TCF7L1: variants seen among roughly 807,000 people sequenced by gnomAD.
TCF7L1 encodes transcription factor 7-like 1.
TCF7L1 carries 18 observed loss-of-function variants against 63.7 expected under a neutral mutation model. The ratio of observed to expected loss-of-function variants is 0.28; its 90% CI spans 0.20 to 0.42. The LOEUF (loss-of-function observed/expected upper bound fraction) is 0.42. Among genes scored for constraint, TCF7L1 ranks in the 10% least tolerant of loss-of-function variants. The pLI, the probability that TCF7L1 is intolerant of heterozygous loss-of-function variation, is 1.00. For synonymous variants in TCF7L1, 355 were observed against 340.9 expected (o/e 1.04, Z -0.46); for missense variants, 654 against 779.3 (o/e 0.84, Z 1.91).
rs1308852758 is a variant in TCF7L1, at chr2:85,134,807, G to A, written c.441+357G>A. Reference sequence around the variant, plus strand: ...AAATCGGTCAGCTTTCTCTGGCAGTGGGGCAAGGGGCCTAGGGAGCTGGGT... The same window carrying A: ...AAATCGGTCAGCTTTCTCTGGCAGTAGGGCAAGGGGCCTAGGGAGCTGGGT... On this transcript the variant is annotated intron_variant, in intron 3 of 11. Coordinates refer to ENST00000282111, the MANE Select transcript of TCF7L1 (RefSeq NM_031283.3). The surrounding 1 kb of genome is among the most constrained non-coding windows in gnomAD (Gnocchi z 5.0). 2.6e-5 allele frequency among the ~76,000 whole-genome samples: 4 copies of A among 152,094 alleles called. No homozygotes were observed. Among genetic ancestry groups the A allele is most frequent in the African/African-American group, 9.7e-5 (4 of 41,412 alleles).
intron 3 of TCF7L1, among the ~76,000 whole-genome samples, chr2:85,214,017 T>A (rs1177215964): frequency 6.6e-6 from 1 of 152,150 alleles, no homozygotes; most frequent in Non-Finnish European, 1.5e-5. Context: ...GGAACGCCCC[T>A]GACTCAGCCA....
intron 3 of TCF7L1, among the ~76,000 whole-genome samples, chr2:85,200,159 A>G (rs2104276543): frequency 6.6e-6 from 1 of 152,232 alleles, no homozygotes; most frequent in African/African-American, 2.4e-5. Flanking sequence ...CCATTGGTGG[A>G]CGTTGGGGTT....
At chr2:85,235,656 G>T (rs1265803475) in intron 3 of TCF7L1, among the ~76,000 whole-genome samples, 1 of 152,068 alleles carries the variant, frequency 6.6e-6, no homozygotes, top group Admixed American at 6.5e-5. Flanking sequence ...ACTAGCCAAG[G>T]CATTAGGATC....
At position 85,305,364 on chromosome 2, in the gene TCF7L1, A is replaced by T; in HGVS notation, c.950A>T (p.Gln317Leu). ...GCCATCGTCTCCCCCATCGTCAAGCAGGAACCGGCACCCCCCAGCCTGAGC... is the reference window on the plus strand; with the variant it reads ...GCCATCGTCTCCCCCATCGTCAAGCTGGAACCGGCACCCCCCAGCCTGAGC... ...HPAIVSPIVK[Q>L]EPAPPSLSPA... Residue 317 changes from glutamine (Q) to leucine (L), a missense_variant, in exon 8 of 12, where the codon CAG becomes CTG. This residue lies in a region of TCF7L1 where 404 missense variants were observed against 454.8 expected (regional missense o/e 0.89). Coordinates refer to ENST00000282111, the MANE Select transcript of TCF7L1 (RefSeq NM_031283.3). 1.2e-6 allele frequency: 2 copies of T among 1,613,584 alleles called. No homozygotes were observed. Among genetic ancestry groups the T allele is most frequent in the Middle Eastern group, 1.7e-4 (1 of 6,058 alleles).
chr2:85,286,900 T>C (rs1227687480), intron 4 of TCF7L1, among the ~76,000 whole-genome samples: 3 of 152,182 alleles, frequency 2.0e-5, no homozygotes, highest in Admixed American at 6.5e-5. Flanking sequence ...ATTGTGCCAC[T>C]GCACTCTAGC....
intron 3 of TCF7L1, among the ~76,000 whole-genome samples, chr2:85,182,633 C>A (rs141106309): frequency 8.8e-4 from 134 of 152,328 alleles, no homozygotes; most frequent in African/African-American, 3.2e-3. Context: ...GTAGACTGGA[C>A]ATGAAGCTGG....
At chr2:85,167,351 T>G (rs565050384) in intron 3 of TCF7L1, 1 of 152,270 alleles carries the variant, frequency 6.6e-6, no homozygotes, top group East Asian at 1.9e-4. Context: ...AACAAAAAAT[T>G]AATTAAAAAT....
Position 85,147,781 on chromosome 2 carries a change from G to A in TCF7L1, c.441+13331G>A, listed in dbSNP as rs542680479. Among the ~76,000 whole-genome samples the A allele has an allele frequency of 3.3e-5, 5 of 152,178 alleles. No individual in the cohort carries two copies. The South Asian group carries it at 8.3e-4, about 25-fold the overall frequency. Reference sequence around the variant, plus strand: ...GTTTGGTGCCTTAGTTTGTTGCCTCGCTCATACTCCTGACCAGCCCCACAT... The same window carrying A: ...GTTTGGTGCCTTAGTTTGTTGCCTCACTCATACTCCTGACCAGCCCCACAT... On this transcript the variant is annotated intron_variant, in intron 3 of 11. Coordinates refer to ENST00000282111, the MANE Select transcript of TCF7L1 (RefSeq NM_031283.3).
In TCF7L1 at chr2:85,146,769, G is replaced by A. The variant is rs1424270459; in HGVS notation, c.441+12319G>A. On this transcript the variant is annotated intron_variant, in intron 3 of 11. Coordinates refer to ENST00000282111, the MANE Select transcript of TCF7L1 (RefSeq NM_031283.3). Reference sequence around the variant, plus strand: ...TCTGCCTGCGTCGGCCTCCCAAAGTGCTGGGATCATAGGTGTGAGCCACTG... The same window carrying A: ...TCTGCCTGCGTCGGCCTCCCAAAGTACTGGGATCATAGGTGTGAGCCACTG... Among the ~76,000 whole-genome samples the A allele has an allele frequency of 2.6e-5, 4 of 152,036 alleles. No homozygotes were observed. In the East Asian group the frequency reaches 7.7e-4, roughly 29 times the overall value.
In TCF7L1 at chr2:85,309,283, T is replaced by G. The variant is rs768622603; in HGVS notation, c.1588T>G (p.Ser530Ala). 3 of 1,613,574 alleles carry G rather than the reference T, an allele frequency of 1.9e-6. No individual in the cohort carries two copies. The highest frequency in any genetic ancestry group is 2.5e-6 in the Non-Finnish European group (3 of 1,179,944). ...CTTCCTGTCGGCTAAGGCTGCAGCCTCCTCCTCTGGGCAGATGGGCAGCCA... is the reference window on the plus strand; with the variant it reads ...CTTCCTGTCGGCTAAGGCTGCAGCCGCCTCCTCTGGGCAGATGGGCAGCCA... ...AAFLSAKAAA[S>A]SSGQMGSQPP... The change falls in exon 12 of 12, where the codon TCC (serine) becomes GCC (alanine). Residue 530 changes from serine (S) to alanine (A), a missense_variant. This residue lies in a region of TCF7L1 where 184 missense variants were observed against 204.0 expected (regional missense o/e 0.90). Coordinates refer to ENST00000282111, the MANE Select transcript of TCF7L1 (RefSeq NM_031283.3).
At chr2:85,276,605 G>C (rs998970075) in intron 3 of TCF7L1, among the ~76,000 whole-genome samples, 4 of 152,150 alleles carry the variant, frequency 2.6e-5, no homozygotes, top group African/African-American at 9.7e-5. Context: ...TCCTACCAGA[G>C]TCAGCCTTCT....
At chr2:85,218,832 T>G (rs1679774221) in intron 3 of TCF7L1, among the ~76,000 whole-genome samples, 1 of 152,022 alleles carries the variant, frequency 6.6e-6, no homozygotes, top group South Asian at 2.1e-4. Flanking sequence ...AGTAATAATA[T>G]AAAAGGATAC....
intron 3 of TCF7L1, among the ~76,000 whole-genome samples, chr2:85,280,050 G>T (rs1394920576): frequency 1.3e-5 from 2 of 152,124 alleles, no homozygotes; most frequent in Non-Finnish European, 2.9e-5. Context: ...ATACATAAAT[G>T]TACCTGTACC....
chr2:85,153,542 C>T (rs1253551769), intron 3 of TCF7L1, among the ~76,000 whole-genome samples: 3 of 151,884 alleles, frequency 2.0e-5, no homozygotes, highest in Non-Finnish European at 4.4e-5. Flanking sequence ...GGGATTTCAC[C>T]GTGTTAGCCA....
chr2:85,186,218 C>G (rs780473756), intron 3 of TCF7L1, among the ~76,000 whole-genome samples: 4 of 152,112 alleles, frequency 2.6e-5, no homozygotes, highest in African/African-American at 7.2e-5. Context: ...CCGCCTGCCT[C>G]GGCCTCCCAG....
At chr2:85,221,748 CAT>C (rs1679845118) in intron 3 of TCF7L1, among the ~76,000 whole-genome samples, 1 of 152,108 alleles carries the variant, frequency 6.6e-6, no homozygotes, top group Non-Finnish European at 1.5e-5. Context: ...GTTTGCAAAA[CAT>C]GAACTTTGGG....
chr2:85,308,955 C>G (rs558214393), intron 11 of TCF7L1, 74 bp from the exon 12 acceptor site: 1 of 1,486,262 alleles, frequency 6.7e-7, no homozygotes, highest in Admixed American at 2.2e-5. Flanking sequence ...GCACATGTAT[C>G]GCCAGGGCTG....
chr2:85,171,526 G>A (rs1678545065), intron 3 of TCF7L1, among the ~76,000 whole-genome samples: 1 of 152,254 alleles, frequency 6.6e-6, no homozygotes, highest in South Asian at 2.1e-4. Context: ...ACATGAATGA[G>A]ATGATCTGCC....
intron 3 of TCF7L1, among the ~76,000 whole-genome samples, chr2:85,235,892 GCT>G (rs1680179415): frequency 6.6e-6 from 1 of 152,074 alleles, no homozygotes; most frequent in Non-Finnish European, 1.5e-5. Context: ...GGGTACTGTG[GCT>G]CATGATTGTA....
Sources: allele counts gnomAD v4.1 joint callset (sites outside exome capture counted in the v4.1 genomes callset), GRCh38; gene constraint gnomAD v4.1.1; regional missense constraint gnomAD v4.1.1; non-coding constraint Gnocchi (gnomAD v3.1); transcripts MANE v1.5; gene names NCBI Gene and HGNC (gene_info 2026-07-23, HGNC 2026-07-21).